POM121: variants seen among roughly 807,000 people sequenced by gnomAD.
POM121 encodes nuclear envelope pore membrane protein POM 121.
In POM121, 32 loss-of-function variants were observed where a neutral mutation model predicts 81.3. That is an observed-to-expected ratio of 0.39 (90% CI 0.30 to 0.53). POM121 has a LOEUF of 0.53. Among genes scored for constraint, POM121 ranks in the 20% least tolerant of loss-of-function variants. The probability of loss-of-function intolerance (pLI) is 0.66; values close to 1 mark genes in which losing one functional copy is unlikely to be tolerated. For synonymous variants in POM121, 514 were observed against 694.2 expected, an observed-to-expected ratio of 0.74 and a Z score of 4.08; for missense variants, 1,138 against 1,614.6, an observed-to-expected ratio of 0.70 and a Z score of 5.06.
intron 5 of POM121, among the ~76,000 whole-genome samples, chr7:72,931,753 T>C (rs139223305): frequency 6.6e-6 from 1 of 152,202 alleles, no homozygotes; most frequent in East Asian, 1.9e-4. Context: ...GTATTTTTAG[T>C]AGAGACGAGA....
chr7:72,924,687 A>G (rs1795168502), upstream of POM121: 1 of 165,874 alleles, frequency 6.0e-6, no homozygotes, highest in Non-Finnish European at 1.3e-5. Context: ...CCATGATGTG[A>G]AATTTGGTAG....
chr7:72,949,688 A>G (rs1797939489), downstream of POM121: 9 of 683,846 alleles, frequency 1.3e-5, 1 homozygote, highest in Middle Eastern at 7.5e-4. Context: ...TCCACATCTC[A>G]CACCTGCAGT....
intron 5 of POM121, among the ~76,000 whole-genome samples, chr7:72,935,205 C>T (rs1554499224): frequency 6.6e-6 from 1 of 151,936 alleles, no homozygotes; most frequent in East Asian, 1.9e-4. Context: ...AGGGGTCTTG[C>T]TCTGTGGCCC....
At chr7:72,898,882 G>A (rs567894060) in intron 3 of POM121, among the ~76,000 whole-genome samples, 14 of 151,756 alleles carry the variant, frequency 9.2e-5, no homozygotes, top group Middle Eastern at 3.4e-3. Flanking sequence ...ACCTGGGAAG[G>A]CGTTGTATAG....
intron 3 of POM121, among the ~76,000 whole-genome samples, chr7:72,894,638 AGAGAG>A (rs1791706991): frequency 9.6e-6 from 1 of 104,358 alleles, no homozygotes; most frequent in East Asian, 2.3e-4. Context: ...AGAGAGAGAG[AGAGAG>A]AGAGAGAGAG....
At chr7:72,938,234 T>C (rs1318355954) in intron 5 of POM121, among the ~76,000 whole-genome samples, 1 of 151,112 alleles carries the variant, frequency 6.6e-6, no homozygotes, top group Admixed American at 6.6e-5. Context: ...TTCTTTTCTT[T>C]TTTTTTTTTT....
intron 5 of POM121, among the ~76,000 whole-genome samples, chr7:72,934,038 A>G (rs1409759825): frequency 1.1e-4 from 16 of 152,320 alleles, no homozygotes; most frequent in African/African-American, 3.6e-4. Context: ...AAAACTGGCA[A>G]TCATTACTGA....
intron 11 of POM121, among the ~76,000 whole-genome samples, chr7:72,943,775 C>T (rs1377532189): frequency 1.5e-4 from 23 of 151,962 alleles, no homozygotes; most frequent in African/African-American, 4.1e-4. Flanking sequence ...CAGTGGCTCA[C>T]GCTTGTAATC....
At position 72,926,398 on chromosome 7, in the gene POM121, C is replaced by G. The variant is rs6949685; in HGVS notation, c.781C>G (p.Pro261Ala). 6.2e-7 allele frequency: 1 copy of G among 1,613,976 alleles called. No individual in the cohort carries two copies. Among genetic ancestry groups the G allele is most frequent in the Admixed American group, 1.7e-5 (1 of 60,010 alleles). Residue 261 changes from proline to alanine, a missense_variant, in exon 2 of 13, where the codon CCT (proline) becomes GCT (alanine). By Grantham distance (27) the Pro-to-Ala change is conservative. Coordinates refer to ENST00000434423, the MANE Select transcript of POM121 (RefSeq NM_001387691.1). ...TTATCACAAGAAGGCTGTGCTGTCCCCTCGCAACTCCAGGATGGTGTGTAG... is the reference window on the plus strand; with the variant it reads ...TTATCACAAGAAGGCTGTGCTGTCCGCTCGCAACTCCAGGATGGTGTGTAG... ...NGYHKKAVLS[P>A]RNSRMVCSPV...
intron 3 of POM121, among the ~76,000 whole-genome samples, chr7:72,895,339 C>T (rs1325608076): frequency 6.6e-6 from 1 of 152,222 alleles, no homozygotes; most frequent in African/African-American, 2.4e-5. Flanking sequence ...CCCAGCCTTT[C>T]ACCTCCTGTG....
Position 72,946,616 on chromosome 7 carries a change from C to T in POM121, c.*382C>T, listed in dbSNP as rs1228894275. 2.0e-6 allele frequency: 2 copies of T among 1,018,182 alleles called. No homozygotes were observed. Among genetic ancestry groups the T allele is most frequent in the South Asian group, 4.2e-5 (1 of 23,744 alleles). The allele number at this position is 1,018,182 out of a possible 1,614,324, so 63.1% of individuals were successfully genotyped here. A position where few individuals can be genotyped will look rare whatever the true frequency, so the allele number is the denominator to read the frequency against. Reference sequence around the variant, plus strand: ...CTGGAGGGGGCAGGGTCCAGCCCGCCTGGATCGGTGGTGTGCACCTGATGG... The same window carrying T: ...CTGGAGGGGGCAGGGTCCAGCCCGCTTGGATCGGTGGTGTGCACCTGATGG... On this transcript the variant is annotated 3_prime_UTR_variant, in exon 13 of 13. Transcript: ENST00000434423.
intron 5 of POM121, among the ~76,000 whole-genome samples, chr7:72,937,706 T>G (rs2129579453): frequency 6.6e-6 from 1 of 152,302 alleles, no homozygotes; most frequent in Admixed American, 6.5e-5. Context: ...TTTAGTGGCT[T>G]TGTAATTAGG....
chr7:72,921,637 G>A (rs781853601), upstream of POM121, among the ~76,000 whole-genome samples: 14 of 152,158 alleles, frequency 9.2e-5, no homozygotes, highest in Non-Finnish European at 1.8e-4. Flanking sequence ...AAGTTGTACT[G>A]TTTTATATAT....
intron 5 of POM121, among the ~76,000 whole-genome samples, chr7:72,935,463 C>CGG (rs1796422460): frequency 6.6e-6 from 1 of 152,202 alleles, no homozygotes. Context: ...GCGTGAGCCA[C>CGG]CATGTCCTGC....
intron 1 of POM121, among the ~76,000 whole-genome samples, chr7:72,885,923 A>T (rs879995408): frequency 6.6e-6 from 1 of 150,418 alleles, no homozygotes; most frequent in African/African-American, 2.5e-5. Context: ...TCTTTTGTTG[A>T]GTTTTTAGCT....
intron 1 of POM121, among the ~76,000 whole-genome samples, chr7:72,888,839 A>T (rs1343291273): frequency 6.6e-6 from 1 of 152,098 alleles, no homozygotes; most frequent in African/African-American, 2.4e-5. Flanking sequence ...AGTATCCATC[A>T]GTTTCTATTT....
downstream of POM121, chr7:72,949,872 G>C (rs782476672): frequency 6.3e-7 from 1 of 1,594,970 alleles, no homozygotes; most frequent in Admixed American, 1.7e-5. Context: ...GAGCAGCCAA[G>C]TGACTGGTCT....
chr7:72,920,135 G>A (rs1299579394), upstream of POM121, among the ~76,000 whole-genome samples: 2 of 152,000 alleles, frequency 1.3e-5, no homozygotes, highest in African/African-American at 4.8e-5. Context: ...CTATGTCTCA[G>A]CTTTGTAAAC....
chr7:72,880,896 C>G (rs1790074033), intron 1 of POM121, among the ~76,000 whole-genome samples: 1 of 85,828 alleles, frequency 1.2e-5, no homozygotes, highest in Non-Finnish European at 2.3e-5. Context: ...AACCAACAAA[C>G]CACAAAAAAC....
Sources: allele counts gnomAD v4.1 joint callset (sites outside exome capture counted in the v4.1 genomes callset), GRCh38; gene constraint gnomAD v4.1.1; transcripts MANE v1.5; gene names NCBI Gene and HGNC (gene_info 2026-07-23, HGNC 2026-07-21).